The following FHIT variants were observed in gnomAD, a reference collection of about 807,000 sequenced individuals.
FHIT encodes the protein fragile histidine triad diadenosine triphosphatase.
FHIT carries 19 observed loss-of-function variants against 17.9 expected under a neutral mutation model. The observed-to-expected ratio is 1.06, with a 90% CI of 0.74 to 1.56. FHIT has a LOEUF of 1.56. Ranked by LOEUF, FHIT falls within the 40% of genes most tolerant of loss-of-function variation. The pLI, the probability that FHIT is intolerant of heterozygous loss-of-function variation, is 0.00. For synonymous variants in FHIT, 81 were observed against 69.7 expected, an observed-to-expected ratio of 1.16 and a Z score of -0.81; for missense variants, 248 against 189.2, an observed-to-expected ratio of 1.31 and a Z score of -1.82.
chr3:61,146,110 C>T (rs940624872), intron 2 of FHIT, among the ~76,000 whole-genome samples: 5 of 151,942 alleles, frequency 3.3e-5, no homozygotes, highest in African/African-American at 4.8e-5. Flanking sequence ...GGAGAAAGCA[C>T]GACATAAAAC....
At chr3:60,171,759 G>C (rs1357776300) in intron 5 of FHIT, among the ~76,000 whole-genome samples, 1 of 152,140 alleles carries the variant, frequency 6.6e-6, no homozygotes, top group Non-Finnish European at 1.5e-5. Context: ...AGGCTGGAAT[G>C]CAGAGGCATC....
chr3:60,223,241 A>T (rs1704043015), intron 5 of FHIT, among the ~76,000 whole-genome samples: 1 of 151,970 alleles, frequency 6.6e-6, no homozygotes, highest in African/African-American at 2.4e-5. Flanking sequence ...TTATTACAAT[A>T]CCCCTTTGAG....
intron 5 of FHIT, among the ~76,000 whole-genome samples, chr3:60,339,223 T>G (rs1202504593): frequency 3.3e-5 from 5 of 152,184 alleles, no homozygotes; most frequent in Admixed American, 3.3e-4. Flanking sequence ...TTCTTTCCTT[T>G]TTTTTCTTTC....
chr3:60,901,894 C>CGTCATA (rs1706132471), intron 3 of FHIT, among the ~76,000 whole-genome samples: 1 of 152,044 alleles, frequency 6.6e-6, no homozygotes, highest in Non-Finnish European at 1.5e-5. Flanking sequence ...GCTAGGAATA[C>CGTCATA]GTCATAAGTA....
intron 5 of FHIT, among the ~76,000 whole-genome samples, chr3:60,176,595 A>G (rs1280187744): frequency 2.6e-5 from 4 of 152,168 alleles, no homozygotes; most frequent in Admixed American, 1.3e-4. Context: ...ACACCTAGGT[A>G]GGTGGGGTAG....
chr3:61,066,525 G>A (rs553104689), intron 2 of FHIT, among the ~76,000 whole-genome samples: 1 of 152,324 alleles, frequency 6.6e-6, no homozygotes, highest in Admixed American at 6.5e-5. Flanking sequence ...TGAGGCAGGA[G>A]AATTGCTTGA....
chr3:60,026,212 T>G (rs1252483777), intron 5 of FHIT, among the ~76,000 whole-genome samples: 4 of 152,132 alleles, frequency 2.6e-5, no homozygotes, highest in Non-Finnish European at 5.9e-5. Flanking sequence ...CTTCCTAAAT[T>G]GGAGTTAATA....
chr3:61,142,431 G>C (rs895261528), intron 2 of FHIT, among the ~76,000 whole-genome samples: 1 of 145,364 alleles, frequency 6.9e-6, no homozygotes, highest in Non-Finnish European at 1.6e-5. Flanking sequence ...TGATGTATTT[G>C]AATGTGACTC....
At chr3:60,561,978 A>C (rs2036969975) in intron 4 of FHIT, among the ~76,000 whole-genome samples, 1 of 151,784 alleles carries the variant, frequency 6.6e-6, no homozygotes, top group African/African-American at 2.4e-5. Context: ...GATAATTCTG[A>C]CTCTTCCTAG....
intron 5 of FHIT, among the ~76,000 whole-genome samples, chr3:60,290,431 G>C (rs906130568): frequency 6.6e-6 from 1 of 151,844 alleles, no homozygotes; most frequent in African/African-American, 2.4e-5. Flanking sequence ...TGCTTGATGA[G>C]ACAAGGCAAG....
intron 5 of FHIT, among the ~76,000 whole-genome samples, chr3:60,241,350 TCCC>T (rs1164262445): frequency 6.6e-6 from 1 of 152,084 alleles, no homozygotes; most frequent in Non-Finnish European, 1.5e-5. Context: ...GCATTCCTTC[TCCC>T]CCATGTTTTA....
chr3:60,129,480 G>A (rs555322650), intron 5 of FHIT, among the ~76,000 whole-genome samples: 30 of 152,244 alleles, frequency 2.0e-4, no homozygotes, highest in Admixed American at 1.8e-3. Context: ...CCATGTCAAA[G>A]GGTTTTTGAA....
chr3:61,037,699 AC>A (rs1216507783), intron 3 of FHIT, among the ~76,000 whole-genome samples: 4 of 152,266 alleles, frequency 2.6e-5, no homozygotes, highest in Admixed American at 6.5e-5. Context: ...TCCTGATAAA[AC>A]GAATGAGTTA....
In FHIT at chr3:60,614,853, T is replaced by C. The variant is rs181039683; in HGVS notation, c.-17-77874A>G. ...TTTGTTTTTTTTTTGTTTTTTGAGATGGAGCCCTGCTCTGTCGCCAGACTG... is the reference window on the plus strand; with the variant it reads ...TTTGTTTTTTTTTTGTTTTTTGAGACGGAGCCCTGCTCTGTCGCCAGACTG... On this transcript the variant is annotated intron_variant, in intron 4 of 9. Transcript: ENST00000492590. Among the ~76,000 whole-genome samples the C allele has an allele frequency of 1.5e-4, 19 of 130,702 alleles. No homozygotes were observed. In the East Asian group the frequency reaches 4.4e-3, roughly 30 times the overall value. 85.7% of individuals were successfully genotyped at this position (130,702 alleles called of 152,430 possible).
intron 3 of FHIT, among the ~76,000 whole-genome samples, chr3:60,915,733 G>C (rs1706962969): frequency 6.6e-6 from 1 of 152,090 alleles, no homozygotes; most frequent in Admixed American, 6.6e-5. Context: ...AGTTATAAAT[G>C]CCATACCAAG....
chr3:59,763,820 C>T (rs533722875), intron 8 of FHIT, among the ~76,000 whole-genome samples: 35 of 152,152 alleles, frequency 2.3e-4, no homozygotes, highest in African/African-American at 8.4e-4. Flanking sequence ...TGTCTGAAGG[C>T]GAGTGAGGAA....
In FHIT at chr3:61,045,665, C is replaced by T. The variant is rs151312972; in HGVS notation, c.-163-3566G>A. ...TAATAGACATCTACAGAACTCTCCA[C>T]CCCAAATCAACAAAATATACTTTCT... On this transcript the variant is annotated intron_variant, in intron 2 of 9. Coordinates refer to ENST00000492590, the MANE Select transcript of FHIT (RefSeq NM_002012.4). Among the ~76,000 whole-genome samples, 356 of 152,272 alleles carry T rather than the reference C, an allele frequency of 2.3e-3. 2 individuals carry two copies. Among genetic ancestry groups the T allele is most frequent in the African/African-American group, 8.2e-3 (342 of 41,538 alleles).
At chr3:60,331,496 C>T (rs73103085) in intron 5 of FHIT, among the ~76,000 whole-genome samples, 17,124 of 152,224 alleles carry the variant, frequency 0.11, 1,244 homozygotes, top group Non-Finnish European at 0.16. Flanking sequence ...TGCCCTCATG[C>T]CTGCCCTAGG....
intron 5 of FHIT, among the ~76,000 whole-genome samples, chr3:60,112,491 G>A (rs1704720047): frequency 6.6e-6 from 1 of 152,120 alleles, no homozygotes; most frequent in Non-Finnish European, 1.5e-5. Flanking sequence ...AGAGTGGGCA[G>A]AAAAACACGA....
Sources: gnomAD v4.1 joint callset for allele counts (sites outside exome capture counted in the v4.1 genomes callset) on GRCh38, gnomAD v4.1.1 for gene constraint, MANE v1.5 for transcripts, NCBI Gene and HGNC (gene_info 2026-07-23, HGNC 2026-07-21) for gene names.